KCNAB1: variants seen among roughly 807,000 people sequenced by gnomAD.
KCNAB1 encodes voltage-gated potassium channel subunit beta-1.
Under a neutral mutation model 64.6 loss-of-function variants are expected in KCNAB1, and 35 were observed. That is an observed-to-expected ratio of 0.54 (90% CI 0.41 to 0.72). KCNAB1 has a LOEUF of 0.72. Among genes scored for constraint, KCNAB1 ranks in the 30% least tolerant of loss-of-function variants. The pLI is 0.00. For missense variants in KCNAB1, 401 were observed against 512.9 expected (o/e 0.78, Z 2.11); for synonymous variants, 177 against 183.8 (o/e 0.96, Z 0.30).
intron 1 of KCNAB1, among the ~76,000 whole-genome samples, chr3:156,301,854 A>G (rs773891204): frequency 5.3e-5 from 8 of 152,040 alleles, no homozygotes; most frequent in Non-Finnish European, 8.8e-5. Context: ...TTTCAAAACA[A>G]GAGGTAATTT....
intron 1 of KCNAB1, among the ~76,000 whole-genome samples, chr3:156,174,710 A>G (rs1375801127): frequency 6.6e-6 from 1 of 152,178 alleles, no homozygotes. Flanking sequence ...GCTGATATTT[A>G]GCCAATGTGG....
chr3:156,225,036 TAGAG>T (rs768713889), intron 1 of KCNAB1, among the ~76,000 whole-genome samples: 2 of 151,978 alleles, frequency 1.3e-5, no homozygotes, highest in Non-Finnish European at 2.9e-5. Context: ...TTCCAAAAGA[TAGAG>T]AAAGAGGAAA....
intron 1 of KCNAB1, among the ~76,000 whole-genome samples, chr3:156,315,147 C>T (rs544410715): frequency 6.6e-6 from 1 of 152,278 alleles, no homozygotes; most frequent in South Asian, 2.1e-4. Flanking sequence ...ATATTTCCAA[C>T]ATCAGAGAAT....
intron 1 of KCNAB1, among the ~76,000 whole-genome samples, chr3:156,125,383 G>A (rs923461716): frequency 2.6e-5 from 4 of 152,148 alleles, no homozygotes; most frequent in Admixed American, 2.0e-4. Flanking sequence ...TTTTATAAGA[G>A]ACCTTTGTGT....
intron 1 of KCNAB1, among the ~76,000 whole-genome samples, chr3:156,211,078 A>G (rs1322749631): frequency 6.6e-6 from 1 of 152,148 alleles, no homozygotes; most frequent in Non-Finnish European, 1.5e-5. Context: ...GAGATTTGAG[A>G]TGGTCCTCAG....
intron 1 of KCNAB1, among the ~76,000 whole-genome samples, chr3:156,311,441 G>A (rs1721893828): frequency 6.6e-6 from 1 of 152,200 alleles, no homozygotes; most frequent in African/African-American, 2.4e-5. Context: ...CAGGGAGAAG[G>A]TAGGGGTTGG....
intron 2 of KCNAB1, among the ~76,000 whole-genome samples, chr3:156,439,032 A>C (rs1716799189): frequency 1.1e-4 from 2 of 17,812 alleles, no homozygotes; most frequent in South Asian, 3.7e-3. Flanking sequence ...CAAAAAACAA[A>C]AAAAAAAAAC....
rs560530559 is a variant in KCNAB1, at chr3:156,486,437, AG to A, written c.658+11619del. Among the ~76,000 whole-genome samples the A allele has an allele frequency of 3.0e-4, 45 of 152,294 alleles. 2 individuals are homozygous for A. The South Asian group carries it at 8.7e-3, about 29-fold the overall frequency. ...GCTCCATCCACCCCAGCATGGGAGAAGGCTGCCTCTTCATTGCCACCCTGGT... is the reference window on the plus strand; with the variant it reads ...GCTCCATCCACCCCAGCATGGGAGAAGCTGCCTCTTCATTGCCACCCTGGT... On this transcript the variant is annotated intron_variant, in intron 8 of 13. Transcript: ENST00000490337.
rs186004788 is a variant in KCNAB1, at chr3:156,270,165, C to T, written c.275+149279C>T. 2.9e-3 allele frequency among the ~76,000 whole-genome samples: 435 copies of T among 152,268 alleles called. 3 individuals are homozygous for T. The highest frequency in any genetic ancestry group is 0.01 in the African/African-American group (421 of 41,554). The stretch of plus-strand genomic sequence containing the variant: ...TCTCCTGACCTCGTGATCTGTCCGC[C>T]TCGGCCTCCCAAAGTGCTGGGATTA... On this transcript the variant is annotated intron_variant, in intron 1 of 13. Transcript: ENST00000490337.
intron 1 of KCNAB1, among the ~76,000 whole-genome samples, chr3:156,222,279 A>G (rs945537440): frequency 7.9e-5 from 12 of 152,324 alleles, no homozygotes; most frequent in Admixed American, 6.5e-4. Context: ...AGAAGTAGCT[A>G]TTCTTCTACC....
chr3:156,419,511 A>AG lies in KCNAB1; in HGVS notation c.276-2105_276-2104insG, dbSNP rs1491534429. On this transcript the variant is annotated intron_variant, in intron 1 of 13. Transcript: ENST00000490337. ...GCGAGACTCCGTCTCAAAAAAAAAG[A>AG]AAAAAAAAAAAAAAGAAAGAAAAGA... 5.5e-3 allele frequency among the ~76,000 whole-genome samples: 551 copies of AG among 100,156 alleles called. 2 individuals are homozygous for AG. The highest frequency in any genetic ancestry group is 0.018 in the African/African-American group (526 of 28,530). The allele number at this position is 100,156 out of a possible 152,430, so 65.7% of individuals were successfully genotyped here.
In KCNAB1 at chr3:156,391,706, G is replaced by A. The variant is rs536329280; in HGVS notation, c.276-29910G>A. ...TAGAAAGATGATTCTAACAGAACGG[G>A]GTTCCAGACCTGCTTGAGACATTGA... On this transcript the variant is annotated intron_variant, in intron 1 of 13. Transcript: ENST00000490337. Among the ~76,000 whole-genome samples the A allele has an allele frequency of 8.5e-5, 13 of 152,250 alleles. No homozygotes were observed. In the South Asian group the frequency reaches 2.3e-3, roughly 27 times the overall value.
intron 8 of KCNAB1, among the ~76,000 whole-genome samples, chr3:156,503,423 C>G (rs1470287187): frequency 6.6e-6 from 1 of 152,076 alleles, no homozygotes; most frequent in Non-Finnish European, 1.5e-5. Flanking sequence ...TGCTGTCTTG[C>G]TAGGATTAAA....
intron 8 of KCNAB1, among the ~76,000 whole-genome samples, chr3:156,493,880 T>C (rs1310381453): frequency 6.6e-6 from 1 of 152,152 alleles, no homozygotes; most frequent in Admixed American, 6.6e-5. Context: ...CAATACATCA[T>C]GCTAGAGGGT....
At chr3:156,343,963 G>T (rs1345491016) in intron 1 of KCNAB1, among the ~76,000 whole-genome samples, 1 of 152,100 alleles carries the variant, frequency 6.6e-6, no homozygotes, top group African/African-American at 2.4e-5. Flanking sequence ...TTATTATGTT[G>T]TTACTTTCCT....
intron 1 of KCNAB1, among the ~76,000 whole-genome samples, chr3:156,315,680 G>A (rs536646014): frequency 2.0e-5 from 3 of 151,882 alleles, no homozygotes; most frequent in East Asian, 1.9e-4. Flanking sequence ...TAAGAAAAAC[G>A]TTTCTCATTA....
intron 1 of KCNAB1, among the ~76,000 whole-genome samples, chr3:156,303,812 T>C (rs1292136890): frequency 6.6e-6 from 1 of 152,128 alleles, no homozygotes; most frequent in Admixed American, 6.6e-5. Flanking sequence ...ATCACCAGGG[T>C]CTGTATTCTG....
intron 1 of KCNAB1, among the ~76,000 whole-genome samples, chr3:156,162,920 C>A (rs1193057137): frequency 6.6e-6 from 1 of 152,144 alleles, no homozygotes; most frequent in East Asian, 1.9e-4. Flanking sequence ...GCAAGGGAAA[C>A]CATTTCACAA....
At chr3:156,421,784 T>C (rs1220652674) in intron 2 of KCNAB1, 125 bp downstream of exon 2, 10 of 727,148 alleles carry the variant, frequency 1.4e-5, no homozygotes, top group Non-Finnish European at 1.9e-5. Context: ...CTGGCCAGTA[T>C]TGCCCCACTT....
Sources: allele counts gnomAD v4.1 joint callset (sites outside exome capture counted in the v4.1 genomes callset), GRCh38; gene constraint gnomAD v4.1.1; transcripts MANE v1.5; gene names NCBI Gene and HGNC (gene_info 2026-07-23, HGNC 2026-07-21).